The following MYH13 variants were observed in gnomAD, a reference collection of about 807,000 sequenced individuals.
MYH13 encodes the protein myosin-13.
MYH13 carries 177 observed loss-of-function variants against 232.1 expected under a neutral mutation model. That is an observed-to-expected ratio of 0.76 (90% CI 0.67 to 0.86). The LOEUF is 0.86. Among genes scored for constraint, MYH13 ranks in the 40% least tolerant of loss-of-function variants. MYH13 has a pLI of 0.00. For missense variants in MYH13, 2,246 were observed against 2,405.9 expected (o/e 0.93, Z 1.39); for synonymous variants, 884 against 923.5 (o/e 0.96, Z 0.78).
At chr17:10,301,469 C>T in intron 40 of MYH13, 100 bp downstream of exon 40, 1 of 1,547,984 alleles carries the variant, frequency 6.5e-7, no homozygotes, top group East Asian at 2.3e-5. Context: ...AGGTACCTGC[C>T]CTTATCTGGC....
chr17:10,346,122 T>G (rs191085995), intron 13 of MYH13, among the ~76,000 whole-genome samples: 19 of 152,344 alleles, frequency 1.2e-4, no homozygotes, highest in Admixed American at 5.9e-4. Flanking sequence ...TTGTTCACCT[T>G]TCTTTGAGAA....
rs184850758 is a variant in MYH13 at position 10,358,366 on chromosome 17, G to A, written c.646-539C>T. Among the ~76,000 whole-genome samples, 536 of 152,262 alleles carry A rather than the reference G, an allele frequency of 3.5e-3. 8 individuals are homozygous for A. The highest frequency in any genetic ancestry group is 0.012 in the African/African-American group (518 of 41,546). On this transcript the variant is annotated intron_variant, in intron 7 of 40. Transcript: ENST00000252172. ...AGTTTTCACCTTCACCTCCATGACT[G>A]CTTTATCCTTCTGGGTCCAGAGCAA...
chr17:10,370,482 C>T (rs933875570), intron 2 of MYH13, among the ~76,000 whole-genome samples: 1 of 152,192 alleles, frequency 6.6e-6, no homozygotes, highest in African/African-American at 2.4e-5. Context: ...CATAGCTGTG[C>T]CCCTTCAACC....
Position 10,363,106 on chromosome 17 carries a change from AT to A in MYH13, c.205-604del, listed in dbSNP as rs1002277171. Reference sequence around the variant, plus strand: ...CTGAATATTTTCAGAATATTATTTAATTTTTTTTCCCTCTGTTTTTTTCCCA... The same window carrying A: ...CTGAATATTTTCAGAATATTATTTAATTTTTTTCCCTCTGTTTTTTTCCCA... On this transcript the variant is annotated intron_variant, in intron 3 of 40. Coordinates refer to ENST00000252172, the MANE Select transcript of MYH13 (RefSeq NM_003802.3). Among the ~76,000 whole-genome samples the A allele has an allele frequency of 1.3e-4, 20 of 151,630 alleles. 1 individual carries two copies. The highest frequency in any genetic ancestry group is 2.1e-4 in the South Asian group (1 of 4,792).
intron 2 of MYH13, among the ~76,000 whole-genome samples, chr17:10,366,555 AT>A (rs1293596309): frequency 6.6e-6 from 1 of 151,754 alleles, no homozygotes; most frequent in East Asian, 1.9e-4. Flanking sequence ...TAATTTTTGT[AT>A]TCTTAGTAGA....
In MYH13 at chr17:10,362,450, G is replaced by A. The variant is rs762120087; in HGVS notation, c.258C>T (p.Asp86=). Residue 86 remains aspartate, a synonymous_variant, in exon 4 of 41, where the codon GAC becomes GAT. Transcript: ENST00000252172. ...TCATCATGGCCATGTCCTCGATCTT[G>A]TCAAATTTGGGAGGGTTCATGGGGA... ...QVFPMNPPKF[D]KIEDMAMMTH... is the part of the protein sequence containing the mutation. 6 of 1,614,158 alleles carry A rather than the reference G, an allele frequency of 3.7e-6. No individual in the cohort carries two copies. In the Admixed American group the frequency reaches 1.0e-4, roughly 27 times the overall value.
In MYH13 at chr17:10,301,562, C is replaced by T. The variant is rs549715222; in HGVS notation, c.5802+7G>A. The T allele has an allele frequency of 6.2e-7, 1 of 1,614,108 alleles. No homozygotes were observed. Among genetic ancestry groups the T allele is most frequent in the South Asian group, 1.1e-5 (1 of 91,074 alleles). On this transcript the variant is annotated splice_region_variant and intron_variant, in intron 40 of 40. Coordinates refer to ENST00000252172, the MANE Select transcript of MYH13 (RefSeq NM_003802.3). ...CTGGCCCCTATATCTCAGGTACCTGCTCTTACCTGGCTGCCCACGTCTCGG... is the reference window on the plus strand; with the variant it reads ...CTGGCCCCTATATCTCAGGTACCTGTTCTTACCTGGCTGCCCACGTCTCGG...
intron 12 of MYH13, among the ~76,000 whole-genome samples, chr17:10,349,060 TTTCCC>T (rs904999332): frequency 1.4e-5 from 2 of 147,780 alleles, no homozygotes; most frequent in African/African-American, 2.5e-5. Context: ...CTTCCCTTCC[TTTCCC>T]TTCCCTTCCC....
chr17:10,338,731 C>T lies in MYH13; in HGVS notation c.2056+1419G>A, dbSNP rs1192024507. On this transcript the variant is annotated intron_variant, in intron 18 of 40. Transcript: ENST00000252172. ...GTTTGTTTTTTTTGAGACGGAGTTT[C>T]GCTCTGTCGCCCAGGCTGGAATGCA... Among the ~76,000 whole-genome samples, 5 of 129,746 alleles carry T rather than the reference C, an allele frequency of 3.9e-5. No homozygotes were observed. The East Asian group carries it at 9.8e-4, about 25-fold the overall frequency. 85.1% of individuals were successfully genotyped at this position (129,746 alleles called of 152,430 possible). A position where few individuals can be genotyped will look rare whatever the true frequency, so the allele number is the denominator to read the frequency against.
At position 10,354,801 on chromosome 17, in the gene MYH13, C is replaced by A; in HGVS notation, c.902-18G>T. On this transcript the variant is annotated intron_variant, in intron 10 of 40. Coordinates refer to ENST00000252172, the MANE Select transcript of MYH13 (RefSeq NM_003802.3). ...AAGCAGGTCTGTGAAACACAGATATCCCTTTAATGGCTTATGCATAACTTA... is the reference window on the plus strand; with the variant it reads ...AAGCAGGTCTGTGAAACACAGATATACCTTTAATGGCTTATGCATAACTTA... The A allele has an allele frequency of 1.9e-6, 3 of 1,609,432 alleles. No individual in the cohort carries two copies. Among genetic ancestry groups the A allele is most frequent in the Non-Finnish European group, 2.6e-6 (3 of 1,176,462 alleles).
intron 4 of MYH13, 24 bp from the exon 5 acceptor site, chr17:10,362,298 A>T: frequency 6.2e-7 from 1 of 1,613,900 alleles, no homozygotes; most frequent in Non-Finnish European, 8.5e-7. Context: ...AACATTTATC[A>T]TTTGGATCTC....
chr17:10,333,213 G>A, intron 18 of MYH13, 22 bp from the exon 19 acceptor site: 1 of 1,491,708 alleles, frequency 6.7e-7, no homozygotes, highest in Non-Finnish European at 9.2e-7. Flanking sequence ...ACGTCCCGGG[G>A]GTGTGCCTGT....
rs549280731 is a variant in MYH13 at position 10,316,004 on chromosome 17, G to T, written c.3760C>A (p.Arg1254=). ...KSKSNIERTC[R]TVEDQFSEIK... ...TCACTAAATTGATCTTCTACCGTCC[G>T]GCACGTTCTTTCTATGTTACTCTTT... The change falls in exon 28 of 41, where the codon CGG becomes AGG. Residue 1254 remains arginine, a synonymous_variant. Transcript: ENST00000252172. 97 of 1,613,808 alleles carry T rather than the reference G, an allele frequency of 6.0e-5. No homozygotes were observed. The highest frequency in any genetic ancestry group is 2.3e-4 in the South Asian group (21 of 91,076).
intron 16 of MYH13, among the ~76,000 whole-genome samples, chr17:10,342,350 C>G (rs932226345): frequency 6.6e-6 from 1 of 152,128 alleles, no homozygotes. Context: ...TAAGCCACCA[C>G]GCCTGGCCCC....
rs1906519761 is a variant in MYH13 at position 10,311,927 on chromosome 17, C to T, written c.4515G>A (p.Glu1505=). 6.2e-7 allele frequency: 1 copy of T among 1,613,822 alleles called. No homozygotes were observed. The highest frequency in any genetic ancestry group is 1.3e-5 in the African/African-American group (1 of 74,910). ...ACAGCTCACCTTGCAGATTTTTGTT[C>T]TCTCGCCTCAGTGTCTCTAACTGGT... ...VVDQLETLRR[E]NKNLQEEISD... Residue 1505 remains glutamate (E), a synonymous_variant, in exon 32 of 41, where the codon GAG becomes GAA. Coordinates refer to ENST00000252172, the MANE Select transcript of MYH13 (RefSeq NM_003802.3).
At chr17:10,369,144 A>G (rs942607941) in intron 2 of MYH13, among the ~76,000 whole-genome samples, 1 of 150,190 alleles carries the variant, frequency 6.7e-6, no homozygotes, top group Non-Finnish European at 1.5e-5. Flanking sequence ...TTTGCCATCA[A>G]TTATAACTTC....
intron 26 of MYH13, among the ~76,000 whole-genome samples, chr17:10,319,490 C>T (rs28574885): frequency 0.55 from 80,891 of 145,936 alleles, 22,050 homozygotes; most frequent in Admixed American, 0.57. Flanking sequence ...GCCTGGGTGA[C>T]AGAGCAAGAC....
intron 23 of MYH13, 95 bp downstream of exon 23, chr17:10,323,927 T>C (rs1659491966): frequency 1.4e-5 from 21 of 1,498,096 alleles, no homozygotes; most frequent in Non-Finnish European, 1.9e-5. Flanking sequence ...GGCAATGTTA[T>C]ATTGACTGGA....
In MYH13 at chr17:10,324,257, T is replaced by C. The variant is rs1199806212; in HGVS notation, c.2699A>G (p.Glu900Gly). 1 of 1,613,280 alleles carries C rather than the reference T, an allele frequency of 6.2e-7. No homozygotes were observed. The highest frequency in any genetic ancestry group is 8.5e-7 in the Non-Finnish European group (1 of 1,179,776). ...CCGTTCCTCAGCGTCCATCAGATTT[T>C]CTGTTTCCTGAAAGAACCAGGTCAT... ...DLQLQVQSET[E>G]NLMDAEERCE... Residue 900 changes from glutamate to glycine, a missense_variant, in exon 23 of 41, where the codon GAA (glutamate) becomes GGA (glycine). Physicochemically the swap from Glu to Gly is moderately conservative, Grantham distance 98 (BLOSUM62 -2). Transcript: ENST00000252172.
Sources: allele counts gnomAD v4.1 joint callset (sites outside exome capture counted in the v4.1 genomes callset), GRCh38; gene constraint gnomAD v4.1.1; transcripts MANE v1.5; gene names NCBI Gene and HGNC (gene_info 2026-07-23, HGNC 2026-07-21).